Variants in CYP7B1 observed in about 807,000 individuals in gnomAD.
CYP7B1 encodes the protein cytochrome P450 family 7 subfamily B member 1.
Under a neutral mutation model 42.7 loss-of-function variants are expected in CYP7B1, and 29 were observed. That is an observed-to-expected ratio of 0.68 (90% CI 0.51 to 0.93). CYP7B1 has a LOEUF of 0.93. Ranked by LOEUF, CYP7B1 falls within the 40% of genes least tolerant of loss-of-function variation. CYP7B1 has a pLI of 0.00. For synonymous variants in CYP7B1, 235 were observed against 218.2 expected (o/e 1.08, Z -0.68); for missense variants, 655 against 600.5 (o/e 1.09, Z -0.95).
intron 2 of CYP7B1, 129 bp downstream of exon 2, chr8:64,624,274 C>T: frequency 3.4e-6 from 3 of 874,608 alleles, no homozygotes; most frequent in Non-Finnish European, 5.2e-6. Context: ...TTTTCTTTCA[C>T]ATTAGCTCTA....
intron 1 of CYP7B1, among the ~76,000 whole-genome samples, chr8:64,708,497 T>G (rs1563399838): frequency 1.3e-5 from 2 of 152,184 alleles, no homozygotes; most frequent in East Asian, 3.8e-4. Context: ...ACAAATTTTT[T>G]TAAATATAAT....
rs1373197517 is a variant in CYP7B1 at position 64,798,477 on chromosome 8, G to A, written c.111C>T (p.Val37=). 6.6e-7 allele frequency: 1 copy of A among 1,512,968 alleles called. No individual in the cohort carries two copies. Among genetic ancestry groups the A allele is most frequent in the Non-Finnish European group, 8.8e-7 (1 of 1,139,092 alleles). 93.7% of individuals were successfully genotyped at this position (1,512,968 alleles called of 1,614,324 possible). A position where few individuals can be genotyped will look rare whatever the true frequency, so the allele number is the denominator to read the frequency against. The change falls in exon 1 of 6, where the codon GTC becomes GTT. Residue 37 remains valine (V), a synonymous_variant. Coordinates refer to ENST00000310193, the MANE Select transcript of CYP7B1 (RefSeq NM_004820.5). The stretch of plus-strand genomic sequence containing the variant: ...GCCGAGGCGCTTACCTGGTGCGCCG[G>A]ACAAGCAAGCAGAGGGCCAGGAGCA... ...ALLLLALCLL[V]RRTRRPGEPP...
chr8:64,726,486 C>G (rs1238323808), intron 1 of CYP7B1, among the ~76,000 whole-genome samples: 1 of 152,152 alleles, frequency 6.6e-6, no homozygotes, highest in Non-Finnish European at 1.5e-5. Context: ...TAAAAGCAAC[C>G]TCCTATTGGA....
At chr8:64,642,210 C>T (rs1235629993) in intron 1 of CYP7B1, among the ~76,000 whole-genome samples, 1 of 151,962 alleles carries the variant, frequency 6.6e-6, no homozygotes, top group Non-Finnish European at 1.5e-5. Flanking sequence ...CTAAAAGTCA[C>T]AAAATGATAC....
chr8:64,695,745 T>C (rs931619192), intron 1 of CYP7B1, among the ~76,000 whole-genome samples: 3 of 151,986 alleles, frequency 2.0e-5, no homozygotes, highest in Admixed American at 6.6e-5. Context: ...GCCTGTTTCA[T>C]GTTCTCTTGG....
At chr8:64,630,962 G>A (rs1805686736) in intron 1 of CYP7B1, among the ~76,000 whole-genome samples, 1 of 152,132 alleles carries the variant, frequency 6.6e-6, no homozygotes, top group Non-Finnish European at 1.5e-5. Context: ...TCTCTAAGGA[G>A]GACAGTGACC....
intron 1 of CYP7B1, among the ~76,000 whole-genome samples, chr8:64,669,495 T>C (rs987724638): frequency 5.3e-5 from 8 of 152,114 alleles, no homozygotes; most frequent in Non-Finnish European, 1.0e-4. Context: ...TTTTTACTCT[T>C]TATCAACTAA....
At chr8:64,652,012 A>G (rs1290216596) in intron 1 of CYP7B1, among the ~76,000 whole-genome samples, 1 of 152,232 alleles carries the variant, frequency 6.6e-6, no homozygotes, top group South Asian at 2.1e-4. Flanking sequence ...GGGTCTATCA[A>G]TGATAGCTAT....
At chr8:64,683,839 G>A (rs766797295) in intron 1 of CYP7B1, among the ~76,000 whole-genome samples, 7 of 151,654 alleles carry the variant, frequency 4.6e-5, no homozygotes, top group East Asian at 1.9e-4. Context: ...TGCCAGTCAC[G>A]CTGTAATCTT....
intron 1 of CYP7B1, among the ~76,000 whole-genome samples, chr8:64,736,686 T>C (rs987295060): frequency 5.3e-5 from 8 of 152,038 alleles, no homozygotes; most frequent in African/African-American, 1.7e-4. Context: ...CCTGACCTCG[T>C]GATCCTCCCG....
At chr8:64,735,214 G>T (rs1807469340) in intron 1 of CYP7B1, among the ~76,000 whole-genome samples, 1 of 152,070 alleles carries the variant, frequency 6.6e-6, no homozygotes, top group Non-Finnish European at 1.5e-5. Context: ...TTCTAAAATG[G>T]ATATACTATA....
chr8:64,620,366 G>A (rs969503781), intron 2 of CYP7B1, among the ~76,000 whole-genome samples: 2 of 151,988 alleles, frequency 1.3e-5, no homozygotes, highest in African/African-American at 2.4e-5. Flanking sequence ...ATATCCCCCC[G>A]CTTATTAGGA....
In CYP7B1 at chr8:64,616,111, A is replaced by C. The variant is rs753992733; in HGVS notation, c.430T>G (p.Phe144Val). Residue 144 changes from phenylalanine to valine, a missense_variant, in exon 3 of 6, where the codon TTT becomes GTT. Physicochemically the swap from Phe to Val is conservative, Grantham distance 50. Transcript: ENST00000310193. Reference sequence around the variant, plus strand: ...ATGTCCAAAGATTTGCCTTGCAAAAATTGATAGCAGAGGTGAAGCTCATCA... The same window carrying C: ...ATGTCCAAAGATTTGCCTTGCAAAACTTGATAGCAGAGGTGAAGCTCATCA... ...MNDELHLCYQ[F>V]LQGKSLDILL... 1.2e-6 allele frequency: 2 copies of C among 1,613,756 alleles called. No homozygotes were observed. The highest frequency in any genetic ancestry group is 1.7e-6 in the Non-Finnish European group (2 of 1,179,814).
At chr8:64,704,458 G>T (rs1414702840) in intron 1 of CYP7B1, among the ~76,000 whole-genome samples, 1 of 152,040 alleles carries the variant, frequency 6.6e-6, no homozygotes, top group Non-Finnish European at 1.5e-5. Context: ...AGCATTATAT[G>T]TGTTTTGCAT....
At chr8:64,645,659 G>T (rs924415113) in intron 1 of CYP7B1, among the ~76,000 whole-genome samples, 10 of 152,208 alleles carry the variant, frequency 6.6e-5, no homozygotes, top group African/African-American at 2.4e-4. Context: ...TCCCCATCAA[G>T]CTACCAATGA....
At chr8:64,787,450 C>G (rs1426918828) in intron 1 of CYP7B1, among the ~76,000 whole-genome samples, 2 of 152,212 alleles carry the variant, frequency 1.3e-5, no homozygotes, top group Non-Finnish European at 2.9e-5. Flanking sequence ...CAGTTCCCAA[C>G]AAGTTCCTCA....
At chr8:64,770,994 C>A (rs1236956685) in intron 1 of CYP7B1, among the ~76,000 whole-genome samples, 1 of 143,306 alleles carries the variant, frequency 7.0e-6, no homozygotes, top group African/African-American at 2.6e-5. Flanking sequence ...TTGAAAACAA[C>A]TTCCTCAATC....
intron 1 of CYP7B1, among the ~76,000 whole-genome samples, chr8:64,787,877 G>A (rs1804554455): frequency 6.6e-6 from 1 of 152,182 alleles, no homozygotes; most frequent in Non-Finnish European, 1.5e-5. Flanking sequence ...TGGCTGAAGG[G>A]GAAGCAAATA....
chr8:64,624,780 A>AGGT (rs1805583036), intron 1 of CYP7B1, among the ~76,000 whole-genome samples: 1 of 151,950 alleles, frequency 6.6e-6, no homozygotes, highest in Admixed American at 6.5e-5. Context: ...TTTGGGGATC[A>AGGT]GGTGGTTTTT....
Sources: gnomAD v4.1 joint callset for allele counts (sites outside exome capture counted in the v4.1 genomes callset) on GRCh38, gnomAD v4.1.1 for gene constraint, MANE v1.5 for transcripts, NCBI Gene and HGNC (gene_info 2026-07-23, HGNC 2026-07-21) for gene names.